The following DNAH2 variants were observed in gnomAD, a reference collection of about 807,000 sequenced individuals.
The protein encoded by DNAH2 is dynein axonemal heavy chain 2, also known as axonemal beta dynein heavy chain 2.
DNAH2 carries 323 observed loss-of-function variants against 523.5 expected under a neutral mutation model. The ratio of observed to expected loss-of-function variants is 0.62; its 90% CI spans 0.56 to 0.68. The LOEUF (loss-of-function observed/expected upper bound fraction) is 0.68. Ranked by LOEUF, DNAH2 falls within the 30% of genes least tolerant of loss-of-function variation. The probability of loss-of-function intolerance (pLI) is 0.00; values close to 1 mark genes in which losing one functional copy is unlikely to be tolerated. For missense variants in DNAH2, 4,907 were observed against 5,701.5 expected (o/e 0.86, Z 4.49); for synonymous variants, 2,093 against 2,177.4 (o/e 0.96, Z 1.08).
chr17:7,731,340 T>A (rs2074981451), intron 4 of DNAH2, among the ~76,000 whole-genome samples: 1 of 152,004 alleles, frequency 6.6e-6, no homozygotes, highest in South Asian at 2.1e-4. Context: ...ATATTTTTCA[T>A]AATCTTTTTT....
intron 73 of DNAH2, among the ~76,000 whole-genome samples, chr17:7,822,155 G>A (rs1342715290): frequency 6.6e-6 from 1 of 152,310 alleles, no homozygotes; most frequent in South Asian, 2.1e-4. Flanking sequence ...ATTTTTTGTA[G>A]AGGCGGGGTC....
intron 33 of DNAH2, 46 bp downstream of exon 33, chr17:7,777,680 C>T: frequency 6.2e-7 from 1 of 1,605,022 alleles, no homozygotes; most frequent in Non-Finnish European, 8.5e-7. Context: ...AAAATGGATC[C>T]TAATGCTTTT....
chr17:7,776,003 T>C, intron 30 of DNAH2, 21 bp from the exon 31 acceptor site: 1 of 1,613,204 alleles, frequency 6.2e-7, no homozygotes, highest in Non-Finnish European at 8.5e-7. Context: ...TGAGCTGCCC[T>C]ATTCTCCCAC....
rs1341939455 is a variant in DNAH2, at chr17:7,819,279, C to T, written c.10886C>T (p.Pro3629Leu). ...CTCAATGATATGGGCTGCATCGACCCCATGTACCAGTTCTCACTGGATGCC... is the reference window on the plus strand; with the variant it reads ...CTCAATGATATGGGCTGCATCGACCTCATGTACCAGTTCTCACTGGATGCC... Reference protein sequence around the residue: ...FVLNDMGCIDPMYQFSLDAYI... With the variant: ...FVLNDMGCIDLMYQFSLDAYI... Residue 3629 changes from proline (P) to leucine (L), a missense_variant, in exon 72 of 86, where the codon CCC (proline) becomes CTC (leucine). By Grantham distance (98) the Pro-to-Leu change is moderately conservative (BLOSUM62 -3). Around this residue, in one of 3 missense-constraint regions of DNAH2, gnomAD observed 1,851 missense variants for 2,139.4 expected, o/e 0.87. Transcript: ENST00000572933. 1 of 1,614,084 alleles carries T rather than the reference C, an allele frequency of 6.2e-7. No homozygotes were observed. Among genetic ancestry groups the T allele is most frequent in the African/African-American group, 1.3e-5 (1 of 74,946 alleles).
intron 12 of DNAH2, among the ~76,000 whole-genome samples, chr17:7,748,243 T>C (rs1233687423): frequency 6.6e-6 from 1 of 152,222 alleles, no homozygotes; most frequent in African/African-American, 2.4e-5. Flanking sequence ...CTGAAGGAGC[T>C]GTATTATCAC....
rs140512369 is a variant in DNAH2 at position 7,733,802 on chromosome 17, A to T, written c.629-381A>T. Among the ~76,000 whole-genome samples the T allele has an allele frequency of 3.0e-3, 459 of 152,166 alleles. 2 individuals are homozygous for T. Among genetic ancestry groups the T allele is most frequent in the African/African-American group, 0.01 (427 of 41,522 alleles). On this transcript the variant is annotated intron_variant, in intron 5 of 85. Transcript: ENST00000572933. The stretch of plus-strand genomic sequence containing the variant: ...AAGATCCGCTTTCTAATCCAGACAC[A>T]CTTTTCTGTTGTGGAACTTGTTGGC...
At chr17:7,723,976 C>G (rs935800064) in intron 3 of DNAH2, among the ~76,000 whole-genome samples, 2 of 152,166 alleles carry the variant, frequency 1.3e-5, no homozygotes, top group Non-Finnish European at 2.9e-5. Flanking sequence ...AACACCTGAA[C>G]AAGTTGAATG....
chr17:7,784,234 A>G (rs538173467), intron 39 of DNAH2, among the ~76,000 whole-genome samples: 1 of 152,342 alleles, frequency 6.6e-6, no homozygotes, highest in Non-Finnish European at 1.5e-5. Flanking sequence ...GCACAATTAC[A>G]AGGAGAAAGA....
In DNAH2 at chr17:7,734,722, T is replaced by A. The variant is rs781061238; in HGVS notation, c.978+14T>A. ...CAGCAGATCCAGGTTTGTGAGCGAATCAAAGGATTCAGGCTCAGCAAGAAG... is the reference window on the plus strand; with the variant it reads ...CAGCAGATCCAGGTTTGTGAGCGAAACAAAGGATTCAGGCTCAGCAAGAAG... On this transcript the variant is annotated intron_variant, in intron 7 of 85. Transcript: ENST00000572933. 2 of 1,610,186 alleles carry A rather than the reference T, an allele frequency of 1.2e-6. No individual in the cohort carries two copies. Among genetic ancestry groups the A allele is most frequent in the South Asian group, 2.2e-5 (2 of 90,698 alleles).
intron 22 of DNAH2, among the ~76,000 whole-genome samples, chr17:7,767,450 A>G (rs958706854): frequency 6.6e-6 from 1 of 152,004 alleles, no homozygotes; most frequent in African/African-American, 2.4e-5. Flanking sequence ...TGTGAGTGTA[A>G]GCCTAGGGGT....
At chr17:7,743,591 G>A (rs865889255) in intron 12 of DNAH2, 9 of 545,006 alleles carry the variant, frequency 1.7e-5, no homozygotes, top group South Asian at 4.2e-5. Flanking sequence ...GCCTGAGCCC[G>A]GGAGGCAGAG....
Position 7,786,524 on chromosome 17 carries a change from G to T in DNAH2, c.6349-46G>T, listed in dbSNP as rs771835730. The T allele has an allele frequency of 5.1e-6, 8 of 1,569,692 alleles. No homozygotes were observed. The highest frequency in any genetic ancestry group is 6.1e-6 in the Non-Finnish European group (7 of 1,142,888). ...AAGAGGGGTCTGGAAATAAAGAGGG[G>T]TTTTTGTCCATCAGCAGCTAAAACC... On this transcript the variant is annotated intron_variant, in intron 40 of 85. Coordinates refer to ENST00000572933, the MANE Select transcript of DNAH2 (RefSeq NM_020877.5). The surrounding 1 kb of genome is among the most constrained non-coding windows in gnomAD (Gnocchi z 7.5).
chr17:7,743,709 A>C (rs1377378669), intron 12 of DNAH2: 3 of 232,170 alleles, frequency 1.3e-5, no homozygotes, highest in Non-Finnish European at 2.5e-5. Context: ...TAAACCAGTG[A>C]TGTCGCTGTT....
chr17:7,817,167 TA>T, intron 64 of DNAH2, 122 bp from the exon 65 acceptor site: 1 of 1,350,264 alleles, frequency 7.4e-7, no homozygotes, highest in South Asian at 1.6e-5. Context: ...CACACAGGTT[TA>T]GGGGAGGGAA....
At position 7,792,656 on chromosome 17, in the gene DNAH2, G is replaced by A. The variant is rs1268114258; in HGVS notation, c.7146-1G>A. On this transcript the variant is annotated splice_acceptor_variant, in intron 46 of 85. Transcript: ENST00000572933. LOFTEE classifies it high-confidence loss of function. ...GAGAGCCGGCCCCTGCTCTTCCCTAGCGCCCCCTTCTATAAGATCATGGTG... is the reference window on the plus strand; with the variant it reads ...GAGAGCCGGCCCCTGCTCTTCCCTAACGCCCCCTTCTATAAGATCATGGTG... 1.9e-6 allele frequency: 3 copies of A among 1,613,588 alleles called. No individual in the cohort carries two copies. Among genetic ancestry groups the A allele is most frequent in the Non-Finnish European group, 2.5e-6 (3 of 1,179,778 alleles).
Position 7,824,536 on chromosome 17 carries a change from G to T in DNAH2, c.11663-1G>T. ...CCACTGACCCTGGCATCTCCTTGCA[G>T]GACACTGGGTGTTCCTGGCAAACTG... On this transcript the variant is annotated splice_acceptor_variant, in intron 76 of 85. Coordinates refer to ENST00000572933, the MANE Select transcript of DNAH2 (RefSeq NM_020877.5). LOFTEE classifies it high-confidence loss of function. The T allele has an allele frequency of 6.4e-7, 1 of 1,552,134 alleles. No homozygotes were observed. Among genetic ancestry groups the T allele is most frequent in the Non-Finnish European group, 8.8e-7 (1 of 1,140,592 alleles).
intron 4 of DNAH2, among the ~76,000 whole-genome samples, chr17:7,731,477 A>ATTTAATAGTTTT (rs1366592117): frequency 5.9e-5 from 9 of 152,088 alleles, no homozygotes; most frequent in Non-Finnish European, 7.4e-5. Context: ...AATTCAAGTA[A>ATTTAATAGTTTT]AATTAAATTT....
intron 56 of DNAH2, among the ~76,000 whole-genome samples, chr17:7,799,544 T>C (rs532887170): frequency 6.6e-6 from 1 of 152,250 alleles, no homozygotes; most frequent in African/African-American, 2.4e-5. Context: ...AGGCCGGGCA[T>C]AGTGGTTCAC....
At chr17:7,759,721 C>G (rs915277607) in intron 16 of DNAH2, 70 bp from the exon 17 acceptor site, 3 of 1,605,928 alleles carry the variant, frequency 1.9e-6, no homozygotes, top group East Asian at 2.2e-5. Flanking sequence ...GGCCTTCAGA[C>G]CTGCTGCTGA....
Sources: allele counts gnomAD v4.1 joint callset (sites outside exome capture counted in the v4.1 genomes callset), GRCh38; gene constraint gnomAD v4.1.1; regional missense constraint gnomAD v4.1.1; non-coding constraint Gnocchi (gnomAD v3.1); transcripts MANE v1.5; gene names NCBI Gene and HGNC (gene_info 2026-07-23, HGNC 2026-07-21).